BCKDHB: variants seen among roughly 807,000 people sequenced by gnomAD.
BCKDHB encodes the protein branched chain keto acid dehydrogenase E1 subunit beta, also known as 2-oxoisovalerate dehydrogenase subunit beta, mitochondrial.
BCKDHB carries 41 observed loss-of-function variants against 48.5 expected under a neutral mutation model. The observed-to-expected ratio is 0.85, with a 90% confidence interval of 0.66 to 1.10. The LOEUF (loss-of-function observed/expected upper bound fraction) is 1.10. BCKDHB is among the 50% of genes least tolerant of loss of function. The probability of loss-of-function intolerance (pLI) is 0.00; values close to 1 mark genes in which losing one functional copy is unlikely to be tolerated. For synonymous variants in BCKDHB, 201 were observed against 174.8 expected (o/e 1.15, Z -1.18); for missense variants, 496 against 494.2 (o/e 1.00, Z -0.03).
rs755592273 is a variant in BCKDHB, at chr6:80,106,804, C to T, written c.111C>T (p.His37=). The change falls in exon 1 of 10, where the codon CAC becomes CAT. Residue 37 remains histidine, a synonymous_variant. Coordinates refer to ENST00000320393, the MANE Select transcript of BCKDHB (RefSeq NM_183050.4). ...CGGGGCTGGCGCGGGGCTTTTTGCACCCCGCCGCGACTGTCGAGGATGCGG... is the reference window on the plus strand; with the variant it reads ...CGGGGCTGGCGCGGGGCTTTTTGCATCCCGCCGCGACTGTCGAGGATGCGG... ...PGAGLARGFL[H]PAATVEDAAQ... 1.0e-5 allele frequency: 16 copies of T among 1,604,650 alleles called. No homozygotes were observed. Among genetic ancestry groups the T allele is most frequent in the Non-Finnish European group, 8.5e-7 (1 of 1,176,570 alleles).
At chr6:80,269,942 AT>A (rs1194711093) in intron 8 of BCKDHB, among the ~76,000 whole-genome samples, 1 of 152,124 alleles carries the variant, frequency 6.6e-6, no homozygotes, top group Non-Finnish European at 1.5e-5. Context: ...ATATGTGAAC[AT>A]TAAAAGCCTA....
At chr6:80,272,099 T>G (rs924917044) in intron 8 of BCKDHB, among the ~76,000 whole-genome samples, 2 of 152,146 alleles carry the variant, frequency 1.3e-5, no homozygotes, top group African/African-American at 4.8e-5. Flanking sequence ...TCATAAAATT[T>G]TATGTTCTAA....
intron 8 of BCKDHB, among the ~76,000 whole-genome samples, chr6:80,240,220 C>G (rs1174340549): frequency 5.9e-5 from 9 of 152,102 alleles, no homozygotes; most frequent in African/African-American, 2.2e-4. Context: ...GGCATTGAAT[C>G]TATAAATTAC....
At chr6:80,212,947 T>C (rs1404741904) in intron 8 of BCKDHB, among the ~76,000 whole-genome samples, 1 of 152,230 alleles carries the variant, frequency 6.6e-6, no homozygotes, top group Non-Finnish European at 1.5e-5. Flanking sequence ...GTTATTTACA[T>C]TGTTGATCTT....
intron 6 of BCKDHB, among the ~76,000 whole-genome samples, chr6:80,192,422 G>A (rs1481509585): frequency 6.6e-6 from 1 of 151,858 alleles, no homozygotes; most frequent in Non-Finnish European, 1.5e-5. Flanking sequence ...TATTCTATAT[G>A]TGTAGCTCCT....
chr6:80,352,103 C>T, the BCKDHB span, among the ~76,000 whole-genome samples: 2 of 151,682 alleles, frequency 1.3e-5, no homozygotes, highest in African/African-American at 4.8e-5. Flanking sequence ...GGATTACAGG[C>T]GTTAGCCACT....
chr6:80,134,201 T>C (rs938228621), intron 3 of BCKDHB, among the ~76,000 whole-genome samples: 1 of 152,170 alleles, frequency 6.6e-6, no homozygotes. Context: ...AGGAAAGGAA[T>C]AGCTGAGGAC....
At chr6:80,216,148 T>C (rs1178399544) in intron 8 of BCKDHB, among the ~76,000 whole-genome samples, 3 of 152,184 alleles carry the variant, frequency 2.0e-5, no homozygotes, top group Non-Finnish European at 4.4e-5. Flanking sequence ...TTCTTCTAAT[T>C]AGACATCAGT....
At chr6:80,360,985 CAG>C in the BCKDHB span, among the ~76,000 whole-genome samples, 1 of 112,394 alleles carries the variant, frequency 8.9e-6, no homozygotes, top group African/African-American at 3.4e-5. Flanking sequence ...GCCTGGGTGA[CAG>C]AGCAAGACTC....
At chr6:80,114,333 C>G (rs1769573286) in intron 1 of BCKDHB, among the ~76,000 whole-genome samples, 1 of 151,464 alleles carries the variant, frequency 6.6e-6, no homozygotes. Context: ...ACTGCAGTCT[C>G]TACTTCCCAG....
the BCKDHB span, among the ~76,000 whole-genome samples, chr6:80,401,553 C>CCTTTTTTATTGTATATAAAGTA: frequency 1.3e-5 from 2 of 151,754 alleles, no homozygotes; most frequent in Non-Finnish European, 3.0e-5. Context: ...AATTAAACCT[C>CCTTTTTTATTGTATATAAAGTA]CTTTTTTATG....
At chr6:80,301,822 G>T (rs1373250183) in intron 9 of BCKDHB, among the ~76,000 whole-genome samples, 1 of 152,050 alleles carries the variant, frequency 6.6e-6, no homozygotes, top group African/African-American at 2.4e-5. Context: ...TTATTCCTGG[G>T]ATACAAGGCT....
At chr6:80,244,859 A>G (rs1776542778) in intron 8 of BCKDHB, among the ~76,000 whole-genome samples, 1 of 152,202 alleles carries the variant, frequency 6.6e-6, no homozygotes, top group African/African-American at 2.4e-5. Context: ...CTCATGGAAT[A>G]TTGGTTTAAA....
chr6:80,203,683 T>A (rs915076469), intron 8 of BCKDHB, among the ~76,000 whole-genome samples: 1 of 152,130 alleles, frequency 6.6e-6, no homozygotes, highest in African/African-American at 2.4e-5. Flanking sequence ...TACTGTGGAT[T>A]ACAGTCTAAG....
chr6:80,413,859 C>T, the BCKDHB span, among the ~76,000 whole-genome samples: 1 of 152,126 alleles, frequency 6.6e-6, no homozygotes, highest in Non-Finnish European at 1.5e-5. Context: ...GTTTTTATGT[C>T]TTTGAGAAAT....
chr6:80,396,547 A>G, the BCKDHB span, among the ~76,000 whole-genome samples: 29 of 152,186 alleles, frequency 1.9e-4, no homozygotes, highest in African/African-American at 7.0e-4. Flanking sequence ...TTGGGGTTGA[A>G]TAATATGGTT....
At chr6:80,294,155 C>T (rs771802811) in intron 9 of BCKDHB, among the ~76,000 whole-genome samples, 2 of 152,116 alleles carry the variant, frequency 1.3e-5, no homozygotes, top group African/African-American at 4.8e-5. Context: ...TCAGGGACCC[C>T]GAATGGAGGG....
chr6:80,260,385 A>G (rs1777247620), intron 8 of BCKDHB, among the ~76,000 whole-genome samples: 1 of 152,108 alleles, frequency 6.6e-6, no homozygotes, highest in Non-Finnish European at 1.5e-5. Context: ...AGGGACTACA[A>G]ATTATTGGGT....
chr6:80,334,730 T>A (rs150030957), intron 9 of BCKDHB, among the ~76,000 whole-genome samples: 2 of 151,996 alleles, frequency 1.3e-5, no homozygotes, highest in African/African-American at 2.4e-5. Context: ...CCCCCTTTTC[T>A]TGTCTTTTTT....
Sources: allele counts gnomAD v4.1 joint callset (sites outside exome capture counted in the v4.1 genomes callset), GRCh38; gene constraint gnomAD v4.1.1; transcripts MANE v1.5; gene names NCBI Gene and HGNC (gene_info 2026-07-23, HGNC 2026-07-21).